SEMA4A: variants seen among roughly 807,000 people sequenced by gnomAD.
The protein encoded by SEMA4A is semaphorin-4A.
Under a neutral mutation model 72.5 loss-of-function variants are expected in SEMA4A, and 52 were observed. The ratio of observed to expected loss-of-function variants is 0.72; its 90% confidence interval spans 0.57 to 0.90. SEMA4A has a LOEUF of 0.90. Among genes scored for constraint, SEMA4A ranks in the 40% least tolerant of loss-of-function variants. The pLI is 0.00. For synonymous variants in SEMA4A, 369 were observed against 393.1 expected (o/e 0.94, Z 0.73); for missense variants, 926 against 959.7 (o/e 0.96, Z 0.46).
chr1:156,173,563 C>A (rs1024948386), intron 11 of SEMA4A, among the ~76,000 whole-genome samples: 3 of 151,760 alleles, frequency 2.0e-5, no homozygotes, highest in Non-Finnish European at 4.4e-5. Flanking sequence ...CGGGAGCAGG[C>A]GGCCAGAGTC....
intron 4 of SEMA4A, 96 bp from the exon 5 acceptor site, chr1:156,158,292 A>G: frequency 1.6e-6 from 2 of 1,280,980 alleles, no homozygotes; most frequent in Non-Finnish European, 2.3e-6. Flanking sequence ...CTGCCCCAGC[A>G]TTACCTAGCC....
intron 10 of SEMA4A, among the ~76,000 whole-genome samples, chr1:156,170,220 T>C (rs1294480563): frequency 6.6e-5 from 10 of 151,476 alleles, no homozygotes; most frequent in Admixed American, 6.6e-4. Flanking sequence ...TCCCAGAACT[T>C]TGGGAGGCAG....
chr1:156,176,532 T>C lies in SEMA4A; in HGVS notation c.1821T>C (p.Asn607=), dbSNP rs778736093. 2 of 1,614,096 alleles carry C rather than the reference T, an allele frequency of 1.2e-6. No individual in the cohort carries two copies. Among genetic ancestry groups the C allele is most frequent in the South Asian group, 1.1e-5 (1 of 91,076 alleles). The change falls in exon 15 of 15, where the codon AAT becomes AAC. Residue 607 remains asparagine, a synonymous_variant. Coordinates refer to ENST00000368285, the MANE Select transcript of SEMA4A (RefSeq NM_022367.4). The stretch of plus-strand genomic sequence containing the variant: ...CAGAAGCCTCTTCCACTGTCTACAA[T>C]GGCTCCCTCTTGCTGATAGTGCAGG... ...AVPEASSTVY[N]GSLLLIVQDG...
intron 10 of SEMA4A, 148 bp downstream of exon 10, chr1:156,163,242 G>A (rs112036816): frequency 1.2e-6 from 1 of 869,198 alleles, no homozygotes; most frequent in South Asian, 1.5e-5. Flanking sequence ...TGGTATAGCT[G>A]CCTATATTCC....
intron 8 of SEMA4A, 144 bp downstream of exon 8, chr1:156,161,173 A>C: frequency 1.5e-5 from 5 of 330,796 alleles, no homozygotes; most frequent in Non-Finnish European, 1.5e-5. Flanking sequence ...GGCGGGGGAC[A>C]GCGGGGCTGG....
upstream of SEMA4A, chr1:156,149,586 T>G (rs886602610): frequency 6.6e-6 from 1 of 152,244 alleles, no homozygotes; most frequent in Non-Finnish European, 1.5e-5. Flanking sequence ...GTGGGCTCAT[T>G]CGTGTCCTCA....
At chr1:156,156,622 C>T (rs943013458) in intron 3 of SEMA4A, 48 bp downstream of exon 3, 2 of 1,598,128 alleles carry the variant, frequency 1.3e-6, no homozygotes, top group Non-Finnish European at 1.7e-6. Flanking sequence ...GAAGAGGGGG[C>T]CGGCAGCTAC....
intron 11 of SEMA4A, among the ~76,000 whole-genome samples, chr1:156,173,429 GT>G (rs1208103634): frequency 1.3e-5 from 2 of 152,124 alleles, no homozygotes; most frequent in Non-Finnish European, 1.5e-5. Flanking sequence ...TCTTGGTTTT[GT>G]TTTTTCCCCC....
intron 11 of SEMA4A, among the ~76,000 whole-genome samples, chr1:156,174,019 G>A (rs1185264213): frequency 6.6e-6 from 1 of 152,132 alleles, no homozygotes; most frequent in Non-Finnish European, 1.5e-5. Context: ...GCTGAGTCAG[G>A]AGAATCACTT....
Position 156,175,100 on chromosome 1 carries a change from AG to A in SEMA4A, c.1451del (p.Gly484AlafsTer48). 2 of 1,614,062 alleles carry A rather than the reference AG, an allele frequency of 1.2e-6. No homozygotes were observed. The highest frequency in any genetic ancestry group is 1.7e-6 in the Non-Finnish European group (2 of 1,180,006). Reference sequence around the variant, plus strand: ...CTCTCTTCCAGGGTGCAGTGTTTGTAGGCTTCTCAGGAGGTGTCTGGAGGGT... The same window carrying A: ...CTCTCTTCCAGGGTGCAGTGTTTGTAGCTTCTCAGGAGGTGTCTGGAGGGT... ...LAPTQGAVFV[G>X]FSGGVWRVPR... On this transcript the variant is annotated frameshift_variant, in exon 13 of 15. Coordinates refer to ENST00000368285, the MANE Select transcript of SEMA4A (RefSeq NM_022367.4). LOFTEE classifies it high-confidence loss of function.
chr1:156,175,033 G>C, intron 12 of SEMA4A, 53 bp from the exon 13 acceptor site: 1 of 1,614,170 alleles, frequency 6.2e-7, no homozygotes, highest in African/African-American at 1.3e-5. Flanking sequence ...CAGCGTGCTG[G>C]GACTTTACTA....
chr1:156,171,206 A>G (rs1241529403), intron 10 of SEMA4A, among the ~76,000 whole-genome samples: 2 of 152,220 alleles, frequency 1.3e-5, no homozygotes, highest in African/African-American at 4.8e-5. Flanking sequence ...GTCTAAGGAC[A>G]CAGCTTATAG....
chr1:156,150,013 T>A (rs1040288434), upstream of SEMA4A: 2 of 148,164 alleles, frequency 1.3e-5, no homozygotes, highest in Non-Finnish European at 3.0e-5. Flanking sequence ...GGTGGGGGTG[T>A]GGCAGGGGCT....
intron 10 of SEMA4A, among the ~76,000 whole-genome samples, chr1:156,168,135 G>A (rs1295628321): frequency 6.6e-6 from 1 of 151,910 alleles, no homozygotes; most frequent in Non-Finnish European, 1.5e-5. Flanking sequence ...TGTTGGCCAG[G>A]CTGATCTTGA....
intron 6 of SEMA4A, among the ~76,000 whole-genome samples, chr1:156,159,750 A>AAAAAC (rs1324433979): frequency 1.3e-5 from 2 of 151,954 alleles, no homozygotes; most frequent in African/African-American, 2.4e-5. Flanking sequence ...CGTCTCTACT[A>AAAAAC]AAAACAAAAC....
upstream of SEMA4A, among the ~76,000 whole-genome samples, chr1:156,152,341 G>A (rs1379061557): frequency 6.6e-6 from 1 of 152,144 alleles, no homozygotes; most frequent in African/African-American, 2.4e-5. Context: ...AGGACATCAG[G>A]CTGGGAGTGT....
At chr1:156,170,565 A>C (rs573872412) in intron 10 of SEMA4A, among the ~76,000 whole-genome samples, 75 of 148,612 alleles carry the variant, frequency 5.0e-4, no homozygotes, top group Middle Eastern at 3.8e-3. Context: ...CATCCTGGCT[A>C]ACATGGTGAA....
intron 10 of SEMA4A, among the ~76,000 whole-genome samples, chr1:156,171,553 C>T (rs1457683586): frequency 6.6e-6 from 1 of 152,092 alleles, no homozygotes; most frequent in East Asian, 1.9e-4. Flanking sequence ...CTGGGAAATA[C>T]AGACATGAGT....
At chr1:156,162,305 G>A (rs931385995) in intron 9 of SEMA4A, among the ~76,000 whole-genome samples, 1 of 152,186 alleles carries the variant, frequency 6.6e-6, no homozygotes, top group African/African-American at 2.4e-5. Flanking sequence ...GGTTGAGAAA[G>A]GTTAACCAAT....
Sources: gnomAD v4.1 joint callset for allele counts (sites outside exome capture counted in the v4.1 genomes callset) on GRCh38, gnomAD v4.1.1 for gene constraint, MANE v1.5 for transcripts, NCBI Gene and HGNC (gene_info 2026-07-23, HGNC 2026-07-21) for gene names.